The following IL1RAPL1 variants were observed in gnomAD, a reference collection of about 807,000 sequenced individuals.
IL1RAPL1 encodes the protein interleukin-1 receptor accessory protein-like 1.
IL1RAPL1 carries 3 observed loss-of-function variants against 48.4 expected under a neutral mutation model. That is an observed-to-expected ratio of 0.06 (90% CI 0.03 to 0.16). IL1RAPL1 has a LOEUF of 0.16. Ranked by LOEUF, IL1RAPL1 falls within the 10% of genes least tolerant of loss-of-function variation. The pLI is 1.00. For synonymous variants in IL1RAPL1, 185 were observed against 187.7 expected, an observed-to-expected ratio of 0.99 and a Z score of 0.12; for missense variants, 349 against 530.6, an observed-to-expected ratio of 0.66 and a Z score of 3.36.
At chrX:29,032,011 A>G (rs761256942) in intron 2 of IL1RAPL1, among the ~76,000 whole-genome samples, 17 of 111,848 alleles carry the variant, frequency 1.5e-4, no homozygotes, top group Non-Finnish European at 2.6e-4. Flanking sequence ...CTACTTACCT[A>G]CCTACTTATC....
At chrX:29,298,189 A>C (rs534836189) in intron 3 of IL1RAPL1, among the ~76,000 whole-genome samples, 68 of 112,337 alleles carry the variant, frequency 6.1e-4, no homozygotes, top group South Asian at 1.1e-3. Flanking sequence ...TTGGGAGCAC[A>C]GCAGTGAATT....
intron 1 of IL1RAPL1, among the ~76,000 whole-genome samples, chrX:28,669,760 T>TTA (rs1284767382): frequency 9.6e-6 from 1 of 104,242 alleles, no homozygotes; most frequent in Non-Finnish European, 1.9e-5. Flanking sequence ...CATATATAAT[T>TTA]TATATATATA....
intron 2 of IL1RAPL1, among the ~76,000 whole-genome samples, chrX:29,077,772 TA>T (rs1399863334): frequency 9.0e-5 from 10 of 110,817 alleles, no homozygotes; most frequent in African/African-American, 3.3e-4. Context: ...ACGGCAAATC[TA>T]GGGGGGAATA....
intron 2 of IL1RAPL1, among the ~76,000 whole-genome samples, chrX:28,865,790 C>G (rs777453810): frequency 4.5e-5 from 5 of 111,871 alleles, no homozygotes; most frequent in Non-Finnish European, 9.4e-5. Context: ...AGCCCTCAAG[C>G]CAAGTGAAAT....
intron 2 of IL1RAPL1, among the ~76,000 whole-genome samples, chrX:28,935,209 A>G (rs1448200953): frequency 4.5e-5 from 5 of 110,658 alleles, no homozygotes; most frequent in Admixed American, 2.9e-4. Flanking sequence ...CAAGGTCACA[A>G]ATTTGATCCT....
chrX:29,621,798 A>G (rs1014111059), intron 5 of IL1RAPL1, among the ~76,000 whole-genome samples: 1 of 112,197 alleles, frequency 8.9e-6, no homozygotes, highest in Non-Finnish European at 1.9e-5. Flanking sequence ...CTCTTCTAGC[A>G]ATTTTGAAAT....
chrX:29,102,219 A>G (rs1196115254), intron 2 of IL1RAPL1, among the ~76,000 whole-genome samples: 1 of 112,171 alleles, frequency 8.9e-6, no homozygotes, highest in Non-Finnish European at 1.9e-5. Context: ...AGCTAGTATC[A>G]TAGTGAATAG....
chrX:28,984,155 C>T (rs1443703466), intron 2 of IL1RAPL1, among the ~76,000 whole-genome samples: 1 of 112,036 alleles, frequency 8.9e-6, no homozygotes, highest in Non-Finnish European at 1.9e-5. Context: ...CAACTAGCTA[C>T]ATGTGGCCAT....
chrX:28,737,173 CCTTCCTTT>C (rs1453532580), intron 1 of IL1RAPL1, among the ~76,000 whole-genome samples: 6 of 74,637 alleles, frequency 8.0e-5, no homozygotes, highest in Admixed American at 1.5e-4. Flanking sequence ...TTCCTTCCTT[CCTTCCTTT>C]CTTTCCTTTC....
intron 3 of IL1RAPL1, among the ~76,000 whole-genome samples, chrX:29,300,448 AGTTACT>A (rs1220983292): frequency 8.9e-6 from 1 of 112,363 alleles, no homozygotes; most frequent in Non-Finnish European, 1.9e-5. Flanking sequence ...TGCACTCTAT[AGTTACT>A]GTTTGAGAGT....
At chrX:29,592,595 A>G (rs940266662) in intron 5 of IL1RAPL1, among the ~76,000 whole-genome samples, 4 of 111,945 alleles carry the variant, frequency 3.6e-5, no homozygotes, top group African/African-American at 1.3e-4. Context: ...CTCTCTTTTC[A>G]TATGAAAGTT....
intron 6 of IL1RAPL1, among the ~76,000 whole-genome samples, chrX:29,907,252 C>G (rs976935637): frequency 9.0e-6 from 1 of 111,131 alleles, no homozygotes; most frequent in Non-Finnish European, 1.9e-5. Context: ...TAAATAAACA[C>G]AAAAAATAAA....
chrX:29,712,161 A>C (rs1427127103), intron 6 of IL1RAPL1, among the ~76,000 whole-genome samples: 1 of 109,452 alleles, frequency 9.1e-6, no homozygotes, highest in Non-Finnish European at 1.9e-5. Context: ...GCTTCTTTTA[A>C]TTAAACATTT....
intron 3 of IL1RAPL1, among the ~76,000 whole-genome samples, chrX:29,350,977 G>A (rs1203666591): frequency 3.6e-5 from 4 of 111,290 alleles, no homozygotes; most frequent in South Asian, 3.8e-4. Context: ...CATTAAGTGA[G>A]GACTTACTGT....
intron 2 of IL1RAPL1, among the ~76,000 whole-genome samples, chrX:29,113,844 T>G (rs1928621915): frequency 9.0e-6 from 1 of 111,646 alleles, no homozygotes; most frequent in Admixed American, 9.5e-5. Context: ...AGTTTTTATT[T>G]CTCTTCTAAT....
chrX:29,257,172 GTTC>G (rs1931771155), intron 2 of IL1RAPL1, among the ~76,000 whole-genome samples: 1 of 110,836 alleles, frequency 9.0e-6, no homozygotes, highest in Non-Finnish European at 1.9e-5. Context: ...ATTTTTCCTT[GTTC>G]TTCTTTTAGA....
chrX:28,690,205 C>T (rs911047438), intron 1 of IL1RAPL1, among the ~76,000 whole-genome samples: 1 of 111,516 alleles, frequency 9.0e-6, no homozygotes, highest in Non-Finnish European at 1.9e-5. Context: ...GATTTCACCT[C>T]CCAACTGACA....
intron 6 of IL1RAPL1, among the ~76,000 whole-genome samples, chrX:29,782,921 T>TTTTTTC (rs1297300281): frequency 1.7e-4 from 14 of 80,814 alleles, no homozygotes; most frequent in African/African-American, 8.4e-4. Context: ...TTTTTTTTTT[T>TTTTTTC]TGAGACGGAG....
intron 3 of IL1RAPL1, among the ~76,000 whole-genome samples, chrX:29,390,903 G>A (rs1279270243): frequency 1.8e-5 from 2 of 111,739 alleles, no homozygotes; most frequent in Non-Finnish European, 3.8e-5. Flanking sequence ...GCCAGGCACA[G>A]TGGCTCATGC....
Sources: allele counts gnomAD v4.1 joint callset (sites outside exome capture counted in the v4.1 genomes callset), GRCh38; gene constraint gnomAD v4.1.1; transcripts MANE v1.5; gene names NCBI Gene and HGNC (gene_info 2026-07-23, HGNC 2026-07-21).